PTCHD1: variants seen among roughly 807,000 people sequenced by gnomAD.
PTCHD1 encodes patched domain containing 1, also known as patched domain-containing protein 1.
Under a neutral mutation model 34.6 loss-of-function variants are expected in PTCHD1, and 3 were observed. The observed-to-expected ratio is 0.09, with a 90% CI of 0.04 to 0.22. The LOEUF is 0.22. Ranked by LOEUF, PTCHD1 falls within the 10% of genes least tolerant of loss-of-function variation. The pLI is 1.00. For missense variants in PTCHD1, 504 were observed against 685.5 expected (o/e 0.74, Z 2.96); for synonymous variants, 305 against 283.1 (o/e 1.08, Z -0.77).
intron 1 of PTCHD1, among the ~76,000 whole-genome samples, chrX:23,359,367 C>T (rs1280122326): frequency 1.8e-5 from 2 of 111,700 alleles, no homozygotes; most frequent in African/African-American, 6.5e-5. Context: ...CCTTCACATC[C>T]CTTGTAAGTT....
At chrX:23,334,413 G>C (rs1034918807), upstream of PTCHD1, 9 of 110,916 alleles carry the variant, frequency 8.1e-5, no homozygotes, top group African/African-American at 2.6e-4. Flanking sequence ...CCTGGCGATA[G>C]CGCCGTCGCC....
chrX:23,403,925 C>G lies in PTCHD1; in HGVS notation c.*9740C>G, dbSNP rs1923179224. On this transcript the variant is annotated 3_prime_UTR_variant, in exon 3 of 3. Coordinates refer to ENST00000379361, the MANE Select transcript of PTCHD1 (RefSeq NM_173495.3). ...CCGGTATTTTGTACTACTTGAGTTT[C>G]TCTAATGCCTAAAATATGCATTTAA... 8.9e-6 allele frequency: 1 copy of G among 112,001 alleles called. No homozygotes were observed. The highest frequency in any genetic ancestry group is 3.2e-5 in the African/African-American group (1 of 30,773). 9.2% of individuals were successfully genotyped at this position (112,001 alleles called of 1,213,427 possible).
chrX:23,380,466 CGCTGACTCTCCATTGA>C, intron 2 of PTCHD1: 2 of 474,825 alleles, frequency 4.2e-6, no homozygotes, highest in Non-Finnish European at 7.5e-6. Context: ...TGGGTTCTAG[CGCTGACTCTCCATTGA>C]GCAGCCATGT....
chrX:23,367,337 ACTT>A (rs2146632061), intron 1 of PTCHD1, among the ~76,000 whole-genome samples: 1 of 112,237 alleles, frequency 8.9e-6, no homozygotes, highest in Admixed American at 9.5e-5. Context: ...CCCATCACAG[ACTT>A]CACATCTGCA....
At chrX:23,375,203 T>C (rs967395994) in intron 1 of PTCHD1, among the ~76,000 whole-genome samples, 10 of 112,050 alleles carry the variant, frequency 8.9e-5, no homozygotes, top group African/African-American at 2.9e-4. Flanking sequence ...GTCTCTCTTA[T>C]TGGACCCCAG....
chrX:23,348,776 G>A (rs372257929), intron 1 of PTCHD1, among the ~76,000 whole-genome samples: 13 of 111,560 alleles, frequency 1.2e-4, no homozygotes, highest in Non-Finnish European at 1.7e-4. Flanking sequence ...GTGTTGTCCC[G>A]CAAAAAGTGT....
intron 1 of PTCHD1, among the ~76,000 whole-genome samples, chrX:23,342,310 ATTTTTTTT>A (rs1174366015): frequency 6.2e-4 from 8 of 12,927 alleles, no homozygotes; most frequent in African/African-American, 4.9e-3. Flanking sequence ...ATATATATAT[ATTTTTTTT>A]TTTTTTTTTT....
chrX:23,358,405 A>G lies in PTCHD1; in HGVS notation c.352-21186A>G, dbSNP rs748490904. ...GGTTTTGATTTGCATTTGTCTGATG[A>G]CCAGTGATGATGAGCATTTTTCCAT... On this transcript the variant is annotated intron_variant, in intron 1 of 2. Transcript: ENST00000379361. 3.7e-4 allele frequency among the ~76,000 whole-genome samples: 42 copies of G among 112,277 alleles called. No individual in the cohort carries two copies. The South Asian group carries it at 0.012, about 33-fold the overall frequency.
chrX:23,381,996 G>C (rs1404743513), intron 2 of PTCHD1, among the ~76,000 whole-genome samples: 1 of 111,580 alleles, frequency 9.0e-6, no homozygotes, highest in Non-Finnish European at 1.9e-5. Context: ...TTACGGGAAG[G>C]GTTTTCGTTT....
chrX:23,392,826 G>A lies in PTCHD1; in HGVS notation c.1308G>A (p.Gln436=), dbSNP rs775770722. The A allele has an allele frequency of 8.3e-6, 10 of 1,210,618 alleles. No homozygotes were observed. Among genetic ancestry groups the A allele is most frequent in the Admixed American group, 2.2e-5 (1 of 45,846 alleles). ...VFTGYIENNY[Q]HSIFCRKVPK... is the part of the protein sequence containing the mutation. ...CTGGCTACATAGAAAACAATTACCA[G>A]CATAGTATCTTCTGTAGAAAAGTCC... is the stretch of plus-strand genomic sequence containing the variant. The change falls in exon 3 of 3, where the codon CAG becomes CAA. Residue 436 remains glutamine, a synonymous_variant. Transcript: ENST00000379361.
rs1182857615 is a variant in PTCHD1 at position 23,402,507 on chromosome X, A to G, written c.*8322A>G. 8.9e-6 allele frequency: 1 copy of G among 112,238 alleles called. No individual in the cohort carries two copies. The highest frequency in any genetic ancestry group is 3.7e-4 in the South Asian group (1 of 2,698). 9.2% of individuals were successfully genotyped at this position (112,238 alleles called of 1,213,427 possible). A position where few individuals can be genotyped will look rare whatever the true frequency, so the allele number is the denominator to read the frequency against. Reference sequence around the variant, plus strand: ...TAATGTAAATTGTTCTGGATTGTCTATAAGATAAAGATACAGAGCCTGAAT... The same window carrying G: ...TAATGTAAATTGTTCTGGATTGTCTGTAAGATAAAGATACAGAGCCTGAAT... On this transcript the variant is annotated 3_prime_UTR_variant, in exon 3 of 3. Coordinates refer to ENST00000379361, the MANE Select transcript of PTCHD1 (RefSeq NM_173495.3).
Position 23,379,713 on chromosome X carries a change from A to G in PTCHD1, c.474A>G (p.Glu158=). 2 of 1,211,486 alleles carry G rather than the reference A, an allele frequency of 1.7e-6. No homozygotes were observed. Among genetic ancestry groups the G allele is most frequent in the Non-Finnish European group, 2.2e-6 (2 of 895,463 alleles). The change falls in exon 2 of 3, where the codon GAA becomes GAG. Residue 158 remains glutamate (E), a synonymous_variant. Transcript: ENST00000379361. ...CIVDDIVHVL[E]ELKNARATNR... Reference sequence around the variant, plus strand: ...TGGATGACATAGTGCACGTCCTGGAAGAGCTAAAGAATGCTCGGGCCACCA... The same window carrying G: ...TGGATGACATAGTGCACGTCCTGGAGGAGCTAAAGAATGCTCGGGCCACCA...
At chrX:23,377,575 G>GGTGT (rs748957859) in intron 1 of PTCHD1, among the ~76,000 whole-genome samples, 6,320 of 90,389 alleles carry the variant, frequency 0.07, 182 homozygotes, top group East Asian at 0.12. Flanking sequence ...GCCTCCTAGG[G>GGTGT]GTGTGTGTGT....
At chrX:23,365,495 G>A (rs764410235) in intron 1 of PTCHD1, among the ~76,000 whole-genome samples, 4 of 110,643 alleles carry the variant, frequency 3.6e-5, no homozygotes, top group Non-Finnish European at 7.6e-5. Flanking sequence ...CGGAGCAGAG[G>A]GGAGAGAAAG....
chrX:23,353,732 G>C (rs766273127), intron 1 of PTCHD1, among the ~76,000 whole-genome samples: 2 of 112,560 alleles, frequency 1.8e-5, no homozygotes, highest in Non-Finnish European at 3.8e-5. Flanking sequence ...AGGATTTAAA[G>C]CAGAGGAAAG....
At chrX:23,378,336 G>C (rs915094712) in intron 1 of PTCHD1, among the ~76,000 whole-genome samples, 3 of 111,880 alleles carry the variant, frequency 2.7e-5, no homozygotes, top group African/African-American at 9.8e-5. Context: ...CTTGTTGAGA[G>C]AATTTAAGGT....
At chrX:23,334,833 G>C (rs1309020992), upstream of PTCHD1, 6 of 946,912 alleles carry the variant, frequency 6.3e-6, no homozygotes, top group Non-Finnish European at 6.8e-6. Context: ...AACCCGCGCC[G>C]AGCGTGCGCC....
chrX:23,402,322 T>TCA lies in PTCHD1; in HGVS notation c.*8152_*8153dup, dbSNP rs758353543. 5.7e-3 allele frequency: 625 copies of TCA among 109,071 alleles called. 2 individuals carry two copies. The highest frequency in any genetic ancestry group is 0.012 in the African/African-American group (346 of 30,022). The allele number at this position is 109,071 out of a possible 1,213,427, so 9.0% of individuals were successfully genotyped here. A position where few individuals can be genotyped will look rare whatever the true frequency, so the allele number is the denominator to read the frequency against. ...AACTCTCTGTCTCTCTCTCTCTCTC[T>TCA]CACACACACACACACAGAGTGGATG... On this transcript the variant is annotated 3_prime_UTR_variant, in exon 3 of 3. Transcript: ENST00000379361.
intron 1 of PTCHD1, among the ~76,000 whole-genome samples, chrX:23,341,335 C>T (rs1284357886): frequency 8.9e-6 from 1 of 112,142 alleles, no homozygotes; most frequent in African/African-American, 3.2e-5. Flanking sequence ...ACTGATGACT[C>T]CTTAAAAATA....
Sources: allele counts gnomAD v4.1 joint callset (sites outside exome capture counted in the v4.1 genomes callset), GRCh38; gene constraint gnomAD v4.1.1; transcripts MANE v1.5; gene names NCBI Gene and HGNC (gene_info 2026-07-23, HGNC 2026-07-21).